BBS7: variants seen among roughly 807,000 people sequenced by gnomAD.
The protein encoded by BBS7 is BBSome complex member BBS7.
In BBS7, 50 loss-of-function variants were observed where a neutral mutation model predicts 90.3. The ratio of observed to expected loss-of-function variants is 0.55; its 90% CI spans 0.44 to 0.70. BBS7 has a LOEUF of 0.70. Ranked by LOEUF, BBS7 falls within the 30% of genes least tolerant of loss-of-function variation. BBS7 has a pLI of 0.00. For missense variants in BBS7, 729 were observed against 838.9 expected (o/e 0.87, Z 1.62); for synonymous variants, 235 against 287.4 (o/e 0.82, Z 1.85).
rs1218767151 is a variant in BBS7, at chr4:121,859,055, C to T, written c.465G>A (p.Val155=). Residue 155 remains valine (V), a synonymous_variant, in exon 5 of 19, where the codon GTG becomes GTA. Transcript: ENST00000264499. ...CAGGTGTGATACGAGATAATCTTTCCACTGGAAGGCAGATCACATCATTGA... is the reference window on the plus strand; with the variant it reads ...CAGGTGTGATACGAGATAATCTTTCTACTGGAAGGCAGATCACATCATTGA... ...DKINDVICLP[V]ERLSRITPVL... is the part of the protein sequence containing the mutation. 6.2e-7 allele frequency: 1 copy of T among 1,613,706 alleles called. No homozygotes were observed. Among genetic ancestry groups the T allele is most frequent in the African/African-American group, 1.3e-5 (1 of 74,864 alleles).
chr4:121,825,571 T>C lies in BBS7; in HGVS notation c.*289A>G. On this transcript the variant is annotated 3_prime_UTR_variant, in exon 19 of 19. Coordinates refer to ENST00000264499, the MANE Select transcript of BBS7 (RefSeq NM_176824.3). ...TTTGAATATATTTTAATTTTCCACA[T>C]ATTACTTCTCAATTTAAAAATTAAA... 1 of 301,512 alleles carries C rather than the reference T, an allele frequency of 3.3e-6. No individual in the cohort carries two copies. Among genetic ancestry groups the C allele is most frequent in the Non-Finnish European group, 6.1e-6 (1 of 162,730 alleles). 18.7% of individuals were successfully genotyped at this position (301,512 alleles called of 1,614,324 possible).
chr4:121,861,526 G>C lies in BBS7; in HGVS notation c.319C>G (p.Leu107Val). 6.2e-7 allele frequency: 1 copy of C among 1,613,398 alleles called. No individual in the cohort carries two copies. Among genetic ancestry groups the C allele is most frequent in the South Asian group, 1.1e-5 (1 of 90,994 alleles). ...GKQFLSFETN[L>V]TESIKAMHIS... ...TACATAGCTTTAATGCTTTCAGTGA[G>C]GTTTGTTTCAAAGGAGAGGAACTGT... The change falls in exon 4 of 19, where the codon CTC becomes GTC. Residue 107 changes from leucine (L) to valine (V), a missense_variant. Coordinates refer to ENST00000264499, the MANE Select transcript of BBS7 (RefSeq NM_176824.3).
At chr4:121,828,812 G>A in intron 15 of BBS7, 84 bp from the exon 16 acceptor site, 1 of 826,538 alleles carries the variant, frequency 1.2e-6, no homozygotes, top group East Asian at 2.8e-5. Context: ...AGTACTTAGA[G>A]TATAGATTTC....
intron 5 of BBS7, chr4:121,858,663 G>T: frequency 4.0e-6 from 1 of 249,290 alleles, no homozygotes; most frequent in African/African-American, 2.3e-5. Context: ...TTTTGGGGAA[G>T]ATAAAGGTGA....
chr4:121,829,589 CTCTT>C (rs1236744769), intron 15 of BBS7, among the ~76,000 whole-genome samples: 14 of 152,288 alleles, frequency 9.2e-5, no homozygotes, highest in Admixed American at 3.9e-4. Context: ...GGTACCACTC[CTCTT>C]TCTCTTGCCC....
In BBS7 at chr4:121,829,048, T is replaced by C. The variant is rs371799309; in HGVS notation, c.1677-320A>G. ...ACAGCTAGTCTCATATATAGACATA[T>C]ATAAAATGCACTTAGAATTGCTTAC... is the stretch of plus-strand genomic sequence containing the variant. On this transcript the variant is annotated intron_variant, in intron 15 of 18. Transcript: ENST00000264499. 1.4e-3 allele frequency among the ~76,000 whole-genome samples: 215 copies of C among 152,316 alleles called. 5 individuals are homozygous for C. In the South Asian group the frequency reaches 0.043, roughly 31 times the overall value.
chr4:121,841,399 A>G (rs1416553727), intron 12 of BBS7, among the ~76,000 whole-genome samples: 2 of 152,060 alleles, frequency 1.3e-5, no homozygotes, highest in African/African-American at 2.4e-5. Context: ...TCTACAAAAA[A>G]TAAAAAATAA....
chr4:121,851,670 T>C (rs1185974102), intron 8 of BBS7, among the ~76,000 whole-genome samples: 1 of 152,242 alleles, frequency 6.6e-6, no homozygotes, highest in Non-Finnish European at 1.5e-5. Flanking sequence ...ATACATATTT[T>C]CTCTTTTTAT....
intron 3 of BBS7, 80 bp downstream of exon 3, chr4:121,863,137 A>C: frequency 6.5e-6 from 9 of 1,394,594 alleles, no homozygotes; most frequent in Non-Finnish European, 9.1e-6. Context: ...ATTTTAGGAA[A>C]TTTTTAACCT....
At chr4:121,828,825 T>C (rs1444112967) in intron 15 of BBS7, 97 bp from the exon 16 acceptor site, 1 of 765,588 alleles carries the variant, frequency 1.3e-6, no homozygotes, top group Non-Finnish European at 2.1e-6. Flanking sequence ...TAGATTTCAT[T>C]TGACTGTAGA....
rs186085038 is a variant in BBS7 at position 121,867,389 on chromosome 4, C to G, written c.102+592G>C. On this transcript the variant is annotated intron_variant, in intron 2 of 18. Transcript: ENST00000264499. ...AACAGAGATAATTTGACTCTCCTTT[C>G]CAATCTGGATGCACTTTATTTCTTT... Among the ~76,000 whole-genome samples, 107 of 152,218 alleles carry G rather than the reference C, an allele frequency of 7.0e-4. 1 individual carries two copies. The highest frequency in any genetic ancestry group is 1.2e-4 in the Non-Finnish European group (8 of 67,986).
chr4:121,869,219 T>C (rs1286932991), intron 1 of BBS7, among the ~76,000 whole-genome samples: 3 of 152,176 alleles, frequency 2.0e-5, no homozygotes. Flanking sequence ...GAAAATTGAC[T>C]GGGCAAACAT....
intron 1 of BBS7, among the ~76,000 whole-genome samples, chr4:121,868,253 A>C (rs1484872986): frequency 6.6e-6 from 1 of 152,236 alleles, no homozygotes; most frequent in Non-Finnish European, 1.5e-5. Context: ...TAAAGTTGTC[A>C]AGCCAAAAAT....
rs1725392700 is a variant in BBS7 at position 121,835,216 on chromosome 4, G to A, written c.1439C>T (p.Thr480Ile). Residue 480 changes from threonine to isoleucine, a missense_variant, in exon 14 of 19, where the codon ACC (threonine) becomes ATC (isoleucine). Coordinates refer to ENST00000264499, the MANE Select transcript of BBS7 (RefSeq NM_176824.3). ...AYVTPRIQPK[T>I]CQVRQYHIKP... ...GATGTGGTACTGGCGGACCTGACAGGTTTTGGGTTGAATTCTTGGAGTCAC... is the reference window on the plus strand; with the variant it reads ...GATGTGGTACTGGCGGACCTGACAGATTTTGGGTTGAATTCTTGGAGTCAC... 6.2e-7 allele frequency: 1 copy of A among 1,613,782 alleles called. No homozygotes were observed.
At chr4:121,852,882 A>G (rs1392501109) in intron 8 of BBS7, 74 bp downstream of exon 8, 1 of 1,459,372 alleles carries the variant, frequency 6.9e-7, no homozygotes, top group Non-Finnish European at 9.5e-7. Context: ...TTCACTTAAT[A>G]AAATTCAAAC....
In BBS7 at chr4:121,870,382, G is replaced by A. The variant is rs1560673937; in HGVS notation, c.-69C>T. 4 of 1,583,934 alleles carry A rather than the reference G, an allele frequency of 2.5e-6. No individual in the cohort carries two copies. In the African/African-American group the frequency reaches 5.4e-5, roughly 21 times the overall value. On this transcript the variant is annotated 5_prime_UTR_variant, in exon 1 of 19. Transcript: ENST00000264499. ...AGGGACAGAGGCTTCGGGCCCGCAG[G>A]CCTCCGACCCAGTCAGAAGGCTGCC...
chr4:121,851,991 G>A (rs1159772508), intron 8 of BBS7, among the ~76,000 whole-genome samples: 5 of 152,082 alleles, frequency 3.3e-5, no homozygotes, highest in African/African-American at 1.2e-4. Flanking sequence ...TTTCTCAAAG[G>A]GCTGATGAGA....
chr4:121,869,324 T>C (rs1207319415), intron 1 of BBS7, among the ~76,000 whole-genome samples: 1 of 152,210 alleles, frequency 6.6e-6, no homozygotes, highest in Non-Finnish European at 1.5e-5. Flanking sequence ...AAAGGCAGTG[T>C]AGTGTAACAA....
At position 121,848,884 on chromosome 4, in the gene BBS7, T is replaced by C. The variant is rs190245992; in HGVS notation, c.894A>G (p.Gly298=). Residue 298 remains glycine, a synonymous_variant, in exon 9 of 19, where the codon GGA becomes GGG. Coordinates refer to ENST00000264499, the MANE Select transcript of BBS7 (RefSeq NM_176824.3). ...CCACGATTTCATCATAGCTGTCTTT[T>C]CCTACACAACCACCCTGGATAGATG... ...SVTSIQGGCV[G]KDSYDEIVVS... 3.7e-6 allele frequency: 6 copies of C among 1,613,998 alleles called. No homozygotes were observed. In the Admixed American group the frequency reaches 8.3e-5, roughly 22 times the overall value.
Sources: allele counts gnomAD v4.1 joint callset (sites outside exome capture counted in the v4.1 genomes callset), GRCh38; gene constraint gnomAD v4.1.1; transcripts MANE v1.5; gene names NCBI Gene and HGNC (gene_info 2026-07-23, HGNC 2026-07-21).